The following ATM variants were observed in gnomAD, a reference collection of about 807,000 sequenced individuals.
The protein encoded by ATM is ATM serine/threonine kinase.
Under a neutral mutation model 387.0 loss-of-function variants are expected in ATM, and 308 were observed. The observed-to-expected ratio is 0.80, with a 90% confidence interval of 0.73 to 0.87. The LOEUF (loss-of-function observed/expected upper bound fraction) is 0.87, where lower values mean the gene tolerates loss of function less well. ATM is among the 40% of genes least tolerant of loss of function. The probability of loss-of-function intolerance (pLI) is 0.00; values close to 1 mark genes in which losing one functional copy is unlikely to be tolerated. For synonymous variants in ATM, 1,156 were observed against 1,187.3 expected (o/e 0.97, Z 0.54); for missense variants, 3,312 against 3,560.9 (o/e 0.93, Z 1.78).
chr11:108,257,378 A>AT (rs1456464358), intron 14 of ATM, 103 bp from the exon 15 acceptor site: 1 of 1,384,208 alleles, frequency 7.2e-7, no homozygotes, highest in Non-Finnish European at 9.8e-7. Flanking sequence ...AGTGCACTTT[A>AT]TTTTTTATTT....
chr11:108,336,018 TG>T (rs1239562713), intron 56 of ATM, 57 bp downstream of exon 56: 8 of 1,330,890 alleles, frequency 6.0e-6, no homozygotes, highest in Admixed American at 1.7e-5. Context: ...GCCATTTGGT[TG>T]GGTGAAGTGG....
intron 5 of ATM, among the ~76,000 whole-genome samples, chr11:108,241,858 C>T (rs149628893): frequency 2.7e-4 from 40 of 150,554 alleles, no homozygotes; most frequent in African/African-American, 9.8e-4. Context: ...AATGATCCTC[C>T]CACCCCCTTC....
At position 108,302,980 on chromosome 11, in the gene ATM, G is replaced by A. The variant is rs2135930154; in HGVS notation, c.5447G>A (p.Ser1816Asn). 1 of 1,613,428 alleles carries A rather than the reference G, an allele frequency of 6.2e-7. No individual in the cohort carries two copies. Among genetic ancestry groups the A allele is most frequent in the Non-Finnish European group, 8.5e-7 (1 of 1,179,488 alleles). The change falls in exon 36 of 63, where the codon AGT becomes AAT. Residue 1816 changes from serine (S) to asparagine (N), a missense_variant. Ser to Asn is a conservative substitution (Grantham distance 46). This residue lies in a region of ATM where 1,405 missense variants were observed against 1,604.4 expected (regional missense o/e 0.88). Coordinates refer to ENST00000675843, the MANE Select transcript of ATM (RefSeq NM_000051.4). ...IKTLTCAFLD[S>N]GGTKCEILQL... ...ACACTGACTTGTGCTTTTTTGGACA[G>A]TGGAGGCACAAAATGTGAAATTCTT...
At position 108,301,703 on chromosome 11, in the gene ATM, A is replaced by C. The variant is rs587782532; in HGVS notation, c.5233A>C (p.Thr1745Pro). The C allele has an allele frequency of 4.3e-6, 7 of 1,613,628 alleles. No individual in the cohort carries two copies. Among genetic ancestry groups the C allele is most frequent in the African/African-American group, 1.3e-5 (1 of 74,914 alleles). The change falls in exon 35 of 63, where the codon ACT becomes CCT. Residue 1745 changes from threonine (T) to proline (P), a missense_variant. Physicochemically the swap from Thr to Pro is conservative, Grantham distance 38 (BLOSUM62 -1). Around this residue, in one of 4 missense-constraint regions of ATM, gnomAD observed 1,405 missense variants for 1,604.4 expected, o/e 0.88. Transcript: ENST00000675843. ...TCLKNILATK[T>P]GHSFWEIYKM... is the part of the protein sequence containing the mutation. ...TTTGAAAAACATTTTAGCCACAAAG[A>C]CTGGACATAGTTTCTGGGAGATTTA... is the stretch of plus-strand genomic sequence containing the variant.
At chr11:108,350,797 A>G (rs550608061) in intron 59 of ATM, among the ~76,000 whole-genome samples, 2 of 152,320 alleles carry the variant, frequency 1.3e-5, no homozygotes, top group Admixed American at 6.5e-5. Flanking sequence ...GAGTATGCCA[A>G]CCTGAGTCCA....
chr11:108,315,677 G>A, intron 40 of ATM, 146 bp from the exon 41 acceptor site: 1 of 688,482 alleles, frequency 1.5e-6, no homozygotes, highest in Admixed American at 2.3e-5. Context: ...TTTCAGAACT[G>A]TATTTCAGAA....
chr11:108,353,763 T>G lies in ATM; in HGVS notation c.8672-3T>G, dbSNP rs1060501550. The G allele has an allele frequency of 4.4e-6, 7 of 1,595,582 alleles. No individual in the cohort carries two copies. Among genetic ancestry groups the G allele is most frequent in the Non-Finnish European group, 6.0e-6 (7 of 1,163,126 alleles). On this transcript the variant is annotated splice_polypyrimidine_tract_variant and splice_region_variant and intron_variant, in intron 59 of 62. Coordinates refer to ENST00000675843, the MANE Select transcript of ATM (RefSeq NM_000051.4). ...CCTAACTTCACTGTATTCTTTACTT[T>G]AGGTGTTGCTTTTGAACAGGGCAAA... is the stretch of plus-strand genomic sequence containing the variant.
chr11:108,310,387 A>T, intron 39 of ATM, 72 bp downstream of exon 39: 1 of 1,427,072 alleles, frequency 7.0e-7, no homozygotes, highest in African/African-American at 1.4e-5. Context: ...TATAGTAAAG[A>T]TTTATTTTGC....
chr11:108,336,117 T>G, intron 56 of ATM, 156 bp downstream of exon 56: 1 of 598,254 alleles, frequency 1.7e-6, no homozygotes, highest in Non-Finnish European at 2.9e-6. Flanking sequence ...AGCAACATAG[T>G]GAGACCCCAT....
At chr11:108,300,207 G>GGA (rs2083354513) in intron 34 of ATM, among the ~76,000 whole-genome samples, 5 of 152,146 alleles carry the variant, frequency 3.3e-5, no homozygotes, top group African/African-American at 1.2e-4. Context: ...AGATGTTTTA[G>GGA]GCTCTTGTCA....
At chr11:108,334,007 T>A (rs766966071) in intron 54 of ATM, 39 bp downstream of exon 54, 4 of 1,473,142 alleles carry the variant, frequency 2.7e-6, no homozygotes, top group South Asian at 2.3e-5. Context: ...TTAAACTAAA[T>A]TTTTTTTATT....
In ATM at chr11:108,368,580, C is replaced by T. The variant is rs3092844; in HGVS notation, c.*3072C>T. 9,560 of 218,244 alleles carry T rather than the reference C, an allele frequency of 0.044. 874 individuals carry two copies. Among genetic ancestry groups the T allele is most frequent in the African/African-American group, 0.19 (8,655 of 44,554 alleles). The allele number at this position is 218,244 out of a possible 1,614,324, so 13.5% of individuals were successfully genotyped here. A position where few individuals can be genotyped will look rare whatever the true frequency, so the allele number is the denominator to read the frequency against. On this transcript the variant is annotated 3_prime_UTR_variant, in exon 63 of 63. Transcript: ENST00000675843. Reference sequence around the variant, plus strand: ...AGTACAAGTGTAATATGGACAGTATCTAACTTGAAAAGATTTCAGGCGAAA... The same window carrying T: ...AGTACAAGTGTAATATGGACAGTATTTAACTTGAAAAGATTTCAGGCGAAA...
intron 44 of ATM, among the ~76,000 whole-genome samples, chr11:108,320,502 C>T (rs983855711): frequency 6.6e-6 from 1 of 152,106 alleles, no homozygotes. Context: ...CTTAATAAAT[C>T]CTATGTTTAT....
At position 108,243,934 on chromosome 11, in the gene ATM, ATTTTT is replaced by A; in HGVS notation, c.497-8_497-4del. 1 of 1,200,626 alleles carries A rather than the reference ATTTTT, an allele frequency of 8.3e-7. No individual in the cohort carries two copies. Among genetic ancestry groups the A allele is most frequent in the Non-Finnish European group, 1.1e-6 (1 of 874,602 alleles). The allele number at this position is 1,200,626 out of a possible 1,614,324, so 74.4% of individuals were successfully genotyped here. A position where few individuals can be genotyped will look rare whatever the true frequency, so the allele number is the denominator to read the frequency against. On this transcript the variant is annotated splice_polypyrimidine_tract_variant and intron_variant, in intron 5 of 62. Transcript: ENST00000675843. ...GATTTTTAAAAAATCATGACTAATAATTTTTTTTTTTTTTTAAGAATTGTTCTCTG... is the reference window on the plus strand; with the variant it reads ...GATTTTTAAAAAATCATGACTAATAATTTTTTTTTTAAGAATTGTTCTCTG...
chr11:108,263,905 C>CAGTCCAGG (rs1426502377), intron 16 of ATM, among the ~76,000 whole-genome samples: 2 of 150,226 alleles, frequency 1.3e-5, no homozygotes, highest in African/African-American at 4.9e-5. Context: ...TTCCTGGACA[C>CAGTCCAGG]ATACACTCTC....
At chr11:108,286,584 A>G (rs367616780) in intron 26 of ATM, among the ~76,000 whole-genome samples, 9 of 152,150 alleles carry the variant, frequency 5.9e-5, no homozygotes, top group Non-Finnish European at 1.0e-4. Context: ...GAGGGGACCA[A>G]TCAGAGGTAC....
chr11:108,294,895 G>A (rs757691947), intron 31 of ATM, 32 bp from the exon 32 acceptor site: 14 of 1,611,002 alleles, frequency 8.7e-6, no homozygotes, highest in South Asian at 2.2e-5. Context: ...TAACCAATAC[G>A]TGTTAAAAGC....
chr11:108,306,342 A>G (rs1413790163), intron 37 of ATM, among the ~76,000 whole-genome samples: 2 of 152,210 alleles, frequency 1.3e-5, no homozygotes, highest in Admixed American at 6.5e-5. Flanking sequence ...AAAAATTCTC[A>G]TAGAGGCTTT....
intron 26 of ATM, 183 bp from the exon 27 acceptor site, chr11:108,287,417 G>A (rs1339735358): frequency 8.7e-6 from 4 of 460,980 alleles, no homozygotes; most frequent in Non-Finnish European, 1.5e-5. Context: ...TAGTCTACAG[G>A]TTGGCTGCAT....
Sources: gnomAD v4.1 joint callset for allele counts (sites outside exome capture counted in the v4.1 genomes callset) on GRCh38, gnomAD v4.1.1 for gene constraint, gnomAD v4.1.1 regional missense constraint, MANE v1.5 for transcripts, NCBI Gene and HGNC (gene_info 2026-07-23, HGNC 2026-07-21) for gene names.